Variants in WDR25 observed in about 807,000 individuals in gnomAD.
WDR25 encodes the protein WD repeat-containing protein 25.
A neutral mutation model predicts 47.7 loss-of-function variants in WDR25; 35 were observed. The observed-to-expected ratio is 0.73, with a 90% CI of 0.56 to 0.97. The LOEUF is 0.97. Ranked by LOEUF, WDR25 falls within the 50% of genes least tolerant of loss-of-function variation. The pLI is 0.00. For synonymous variants in WDR25, 248 were observed against 278.9 expected, an observed-to-expected ratio of 0.89 and a Z score of 1.10; for missense variants, 634 against 704.7, an observed-to-expected ratio of 0.90 and a Z score of 1.14.
rs532696533 is a variant in WDR25 at position 100,462,465 on chromosome 14, A to G, written c.823-5556A>G. ...ACATTAAATTCAATTAAGGAGACCA[A>G]TTGGCAAAGATTCTTCCCTCCTTCA... On this transcript the variant is annotated intron_variant, in intron 2 of 6. Coordinates refer to ENST00000402312, the MANE Select transcript of WDR25 (RefSeq NM_001161476.3). Among the ~76,000 whole-genome samples, 8 of 152,338 alleles carry G rather than the reference A, an allele frequency of 5.3e-5. No homozygotes were observed. In the East Asian group the frequency reaches 7.7e-4, roughly 15 times the overall value.
intron 4 of WDR25, among the ~76,000 whole-genome samples, chr14:100,517,741 G>T (rs1333072295): frequency 6.6e-6 from 1 of 152,176 alleles, no homozygotes; most frequent in Non-Finnish European, 1.5e-5. Flanking sequence ...CTGCTCCTGG[G>T]GCTGAGGCAG....
intron 2 of WDR25, among the ~76,000 whole-genome samples, chr14:100,391,863 C>T (rs1263912031): frequency 6.6e-6 from 1 of 152,182 alleles, no homozygotes; most frequent in Non-Finnish European, 1.5e-5. Flanking sequence ...TTTGCCTTTT[C>T]CATTCTCCTT....
At chr14:100,421,107 C>T (rs771093733) in intron 2 of WDR25, among the ~76,000 whole-genome samples, 2 of 152,152 alleles carry the variant, frequency 1.3e-5, no homozygotes, top group Admixed American at 6.5e-5. Flanking sequence ...ACATTCCATT[C>T]GGCCAAAACT....
In WDR25 at chr14:100,457,328, A is replaced by C. The variant is rs146971509; in HGVS notation, c.823-10693A>C. 1.4e-3 allele frequency among the ~76,000 whole-genome samples: 210 copies of C among 152,328 alleles called. 5 individuals carry two copies. The highest frequency in any genetic ancestry group is 7.5e-4 in the Non-Finnish European group (51 of 68,026). On this transcript the variant is annotated intron_variant, in intron 2 of 6. Transcript: ENST00000402312. ...CAGAAGGGGGAACAAGGCACATTAC[A>C]TACAGAGGAGCAAAGACGAGAGTGA...
At chr14:100,417,390 A>G (rs1319735753) in intron 2 of WDR25, among the ~76,000 whole-genome samples, 1 of 152,236 alleles carries the variant, frequency 6.6e-6, no homozygotes, top group Non-Finnish European at 1.5e-5. Flanking sequence ...CTCAGATCCA[A>G]GGTGGTCAGG....
At position 100,464,907 on chromosome 14, in the gene WDR25, C is replaced by T. The variant is rs1038342085; in HGVS notation, c.823-3114C>T. On this transcript the variant is annotated intron_variant, in intron 2 of 6. Transcript: ENST00000402312. ...CCTTTACCTCATTTCATCTCCTCTA[C>T]CCGATCTGCTCTCCTCTACCCCATC... Among the ~76,000 whole-genome samples, 6 of 150,154 alleles carry T rather than the reference C, an allele frequency of 4.0e-5. No homozygotes were observed. The East Asian group carries it at 1.2e-3, about 30-fold the overall frequency.
chr14:100,384,644 C>T (rs952494391), intron 2 of WDR25, among the ~76,000 whole-genome samples: 3 of 152,014 alleles, frequency 2.0e-5, no homozygotes, highest in African/African-American at 7.3e-5. Context: ...GATAGGGCCT[C>T]GGGCACAGGC....
chr14:100,505,404 G>T (rs1217426360), intron 4 of WDR25, among the ~76,000 whole-genome samples: 1 of 152,252 alleles, frequency 6.6e-6, no homozygotes, highest in African/African-American at 2.4e-5. Flanking sequence ...GCCACATGAG[G>T]TTCTCTTTCT....
At chr14:100,413,236 T>C (rs892879864) in intron 2 of WDR25, among the ~76,000 whole-genome samples, 1 of 145,052 alleles carries the variant, frequency 6.9e-6, no homozygotes, top group Non-Finnish European at 1.5e-5. Context: ...GACAAACCTG[T>C]ATACTTATGC....
At chr14:100,410,217 T>C (rs1897666939) in intron 2 of WDR25, among the ~76,000 whole-genome samples, 1 of 152,204 alleles carries the variant, frequency 6.6e-6, no homozygotes, top group African/African-American at 2.4e-5. Flanking sequence ...TGCTCGTCCC[T>C]GGCCTAGGGA....
At chr14:100,393,825 G>C (rs1897196078) in intron 2 of WDR25, among the ~76,000 whole-genome samples, 1 of 152,150 alleles carries the variant, frequency 6.6e-6, no homozygotes, top group Non-Finnish European at 1.5e-5. Flanking sequence ...TGAGTGTCCT[G>C]TGGTCAGGGC....
At chr14:100,528,632 ATC>A (rs1205757503) in intron 5 of WDR25, among the ~76,000 whole-genome samples, 2 of 152,074 alleles carry the variant, frequency 1.3e-5, no homozygotes, top group African/African-American at 4.8e-5. Context: ...TCATCTCCTT[ATC>A]TCAGAATCCT....
chr14:100,421,563 T>C (rs531833385), intron 2 of WDR25, among the ~76,000 whole-genome samples: 3 of 152,328 alleles, frequency 2.0e-5, no homozygotes, highest in African/African-American at 7.2e-5. Context: ...TAAACTTCCA[T>C]AGATGCACCA....
At position 100,449,485 on chromosome 14, in the gene WDR25, G is replaced by A. The variant is rs1247315576; in HGVS notation, c.823-18536G>A. ...CTGCCCTGGCTGGCTGTTGCATTGG[G>A]GTGGGAGAGGCTGTCTCAGCTGGGT... On this transcript the variant is annotated intron_variant, in intron 2 of 6. Coordinates refer to ENST00000402312, the MANE Select transcript of WDR25 (RefSeq NM_001161476.3). The surrounding 1 kb of genome is among the most constrained non-coding windows in gnomAD (Gnocchi z 4.2). Among the ~76,000 whole-genome samples, 24 of 152,206 alleles carry A rather than the reference G, an allele frequency of 1.6e-4. No individual in the cohort carries two copies. Among genetic ancestry groups the A allele is most frequent in the Admixed American group, 1.4e-3 (21 of 15,288 alleles).
intron 2 of WDR25, among the ~76,000 whole-genome samples, chr14:100,450,064 C>T (rs1205474613): frequency 1.3e-5 from 2 of 152,240 alleles, no homozygotes; most frequent in Non-Finnish European, 2.9e-5. Context: ...TCTGGCCTTT[C>T]CTATAGCAGC....
chr14:100,443,674 G>A (rs991041391), intron 2 of WDR25, among the ~76,000 whole-genome samples: 1 of 152,128 alleles, frequency 6.6e-6, no homozygotes, highest in African/African-American at 2.4e-5. Flanking sequence ...ACAAAAGCAT[G>A]CATTATTTAG....
intron 2 of WDR25, among the ~76,000 whole-genome samples, chr14:100,397,736 G>T (rs960051899): frequency 6.6e-6 from 1 of 152,228 alleles, no homozygotes; most frequent in Non-Finnish European, 1.5e-5. Flanking sequence ...GTGTGCAAAG[G>T]CAGGGAGGTG....
chr14:100,506,566 C>G lies in WDR25; in HGVS notation c.1102-19304C>G, dbSNP rs188777491. ...GTGTTCTTTTTTCTCTGCAGCCTTGCTAGCACCTGTTATTTTTTTGACTTT... is the reference window on the plus strand; with the variant it reads ...GTGTTCTTTTTTCTCTGCAGCCTTGGTAGCACCTGTTATTTTTTTGACTTT... On this transcript the variant is annotated intron_variant, in intron 4 of 6. Coordinates refer to ENST00000402312, the MANE Select transcript of WDR25 (RefSeq NM_001161476.3). This position sits in a 1 kb window ranked among gnomAD's most constrained non-coding sequence, Gnocchi z 4.8. Among the ~76,000 whole-genome samples, 8 of 152,264 alleles carry G rather than the reference C, an allele frequency of 5.3e-5. No homozygotes were observed. The East Asian group carries it at 1.5e-3, about 29-fold the overall frequency.
At chr14:100,497,944 G>A (rs1483701142) in intron 4 of WDR25, among the ~76,000 whole-genome samples, 1 of 152,160 alleles carries the variant, frequency 6.6e-6, no homozygotes, top group Non-Finnish European at 1.5e-5. Flanking sequence ...TTCCAACCTG[G>A]TATCCCCAGA....
Sources: allele counts gnomAD v4.1 joint callset (sites outside exome capture counted in the v4.1 genomes callset), GRCh38; gene constraint gnomAD v4.1.1; non-coding constraint Gnocchi (gnomAD v3.1); transcripts MANE v1.5; gene names NCBI Gene and HGNC (gene_info 2026-07-23, HGNC 2026-07-21).